Variants in PIDD1 observed in about 807,000 individuals in gnomAD.
PIDD1 encodes p53-induced death domain-containing protein 1.
In PIDD1, 72 loss-of-function variants were observed where a neutral mutation model predicts 80.0. The ratio of observed to expected loss-of-function variants is 0.90; its 90% CI spans 0.74 to 1.09. PIDD1 has a LOEUF of 1.09. PIDD1 is among the 50% of genes least tolerant of loss of function. The pLI is 0.00. For missense variants in PIDD1, 1,329 were observed against 1,228.3 expected (o/e 1.08, Z -1.23); for synonymous variants, 655 against 543.5 (o/e 1.21, Z -2.85).
chr11:803,780 C>T, intron 2 of PIDD1, 193 bp from the exon 3 acceptor site: 3 of 667,430 alleles, frequency 4.5e-6, no homozygotes, highest in Admixed American at 2.8e-5. Flanking sequence ...GTGGAGACCA[C>T]CGGCTCATCT....
Position 804,317 on chromosome 11 carries a change from G to A in PIDD1, c.72C>T (p.Asp24=), listed in dbSNP as rs373298585. ...AAAGDASEDS[D]AGSRALPFLG... ...GGAAAGGCAGCGCCCTGGACCCTGCGTCCGAATCCTCTGAAGCATCTCCTG... is the reference window on the plus strand; with the variant it reads ...GGAAAGGCAGCGCCCTGGACCCTGCATCCGAATCCTCTGAAGCATCTCCTG... Residue 24 remains aspartate (D), a synonymous_variant, in exon 2 of 16, where the codon GAC becomes GAT. Coordinates refer to ENST00000347755, the MANE Select transcript of PIDD1 (RefSeq NM_145886.4). The A allele has an allele frequency of 1.3e-5, 21 of 1,612,392 alleles. No homozygotes were observed. Among genetic ancestry groups the A allele is most frequent in the Non-Finnish European group, 1.7e-5 (20 of 1,179,768 alleles).
chr11:804,064 G>A (rs1014691794), intron 2 of PIDD1, 30 bp downstream of exon 2: 1 of 1,572,954 alleles, frequency 6.4e-7, no homozygotes, highest in Non-Finnish European at 8.7e-7. Context: ...GCGAGAGATG[G>A]AGACAGGGCC....
chr11:800,271 A>C (rs377747233), intron 13 of PIDD1, 27 bp from the exon 14 acceptor site: 5 of 1,611,604 alleles, frequency 3.1e-6, no homozygotes, highest in Non-Finnish European at 3.4e-6. Flanking sequence ...TGGGGTTCGG[A>C]GTTCGGTCCT....
rs747393319 is a variant in PIDD1 at position 800,905 on chromosome 11, G to C, written c.1774C>G (p.Leu592Val). The C allele has an allele frequency of 6.3e-7, 1 of 1,592,182 alleles. No individual in the cohort carries two copies. Among genetic ancestry groups the C allele is most frequent in the South Asian group, 1.1e-5 (1 of 87,780 alleles). The change falls in exon 11 of 16, where the codon CTC (leucine) becomes GTC (valine). Residue 592 changes from leucine (L) to valine (V), a missense_variant. By Grantham distance (32) the Leu-to-Val change is conservative (BLOSUM62 1). Coordinates refer to ENST00000347755, the MANE Select transcript of PIDD1 (RefSeq NM_145886.4). ...FQVTHFSWYW[L>V]WYTTKNCVGG... ...ACACAGTTCTTGGTGGTGTACCAGA[G>C]CCAGTACCTGGGAGAGCTGGGGGTG...
In PIDD1 at chr11:801,911, C is replaced by T. The variant is rs546928799; in HGVS notation, c.1302+54G>A. On this transcript the variant is annotated intron_variant, in intron 7 of 15. Coordinates refer to ENST00000347755, the MANE Select transcript of PIDD1 (RefSeq NM_145886.4). ...GGGTGAGGCTCTGGGCAGAGGTGCACGGCTCAGGGCAGCAGCTCTCCACTC... is the reference window on the plus strand; with the variant it reads ...GGGTGAGGCTCTGGGCAGAGGTGCATGGCTCAGGGCAGCAGCTCTCCACTC... The T allele has an allele frequency of 5.7e-5, 90 of 1,582,574 alleles. 1 individual carries two copies. The highest frequency in any genetic ancestry group is 5.1e-4 in the East Asian group (22 of 43,456).
In PIDD1 at chr11:801,160, G is replaced by A. The variant is rs372472598; in HGVS notation, c.1631-40C>T. ...GGCAGCGAGCTGAGGCCTCCTGGCC[G>A]GAGACCCCCTCCACCCTATGGCCAC... On this transcript the variant is annotated intron_variant, in intron 9 of 15. Coordinates refer to ENST00000347755, the MANE Select transcript of PIDD1 (RefSeq NM_145886.4). 83 of 1,546,216 alleles carry A rather than the reference G, an allele frequency of 5.4e-5. 1 individual carries two copies. The highest frequency in any genetic ancestry group is 1.8e-4 in the South Asian group (15 of 81,142).
intron 15 of PIDD1, 78 bp downstream of exon 15, chr11:799,737 T>G (rs1865075937): frequency 2.9e-6 from 4 of 1,389,184 alleles, no homozygotes. Flanking sequence ...AAGAAACTTC[T>G]GTCAGAATCA....
chr11:800,715 C>T (rs761228186), intron 11 of PIDD1, 47 bp downstream of exon 11: 52 of 1,549,588 alleles, frequency 3.4e-5, no homozygotes, highest in Non-Finnish European at 4.5e-5. Context: ...GCACCCCACC[C>T]CAGCCCTCTG....
chr11:802,448 T>C, intron 5 of PIDD1, 52 bp from the exon 6 acceptor site: 1 of 1,599,420 alleles, frequency 6.3e-7, no homozygotes, highest in Non-Finnish European at 8.6e-7. Context: ...GCCTACGTGT[T>C]GGAGCCTGGA....
intron 6 of PIDD1, 27 bp downstream of exon 6, chr11:802,168 A>G: frequency 4.5e-6 from 7 of 1,571,932 alleles, no homozygotes; most frequent in Non-Finnish European, 6.0e-6. Flanking sequence ...TGGCCCACAC[A>G]CTGCCCCCGC....
intron 14 of PIDD1, 26 bp from the exon 15 acceptor site, chr11:800,040 G>A (rs775220327): frequency 1.2e-6 from 2 of 1,610,238 alleles, no homozygotes; most frequent in Non-Finnish European, 8.5e-7. Flanking sequence ...AGTGCATTAA[G>A]CCCTGGGCTC....
At chr11:799,656 G>A in intron 15 of PIDD1, 91 bp from the exon 16 acceptor site, 1 of 1,453,336 alleles carries the variant, frequency 6.9e-7, no homozygotes, top group Admixed American at 2.4e-5. Context: ...GGAGTTCCCG[G>A]CTCCTGGGGC....
chr11:801,470 T>G lies in PIDD1; in HGVS notation c.1457A>C (p.Glu486Ala). Residue 486 changes from glutamate to alanine, a missense_variant, in exon 8 of 16, where the codon GAG becomes GCG. By Grantham distance (107) the Glu-to-Ala change is moderately radical. Coordinates refer to ENST00000347755, the MANE Select transcript of PIDD1 (RefSeq NM_145886.4). ...CTGCATGGAGACTCGACGAGGCTCC[T>G]CAGTGGCCCCAGGGGGGAAGATGAC... Reference protein sequence around the residue: ...VKVIFPPGATEEPRRVSMQVV... With the variant: ...VKVIFPPGATAEPRRVSMQVV... The G allele has an allele frequency of 6.5e-7, 1 of 1,545,256 alleles. No individual in the cohort carries two copies. The highest frequency in any genetic ancestry group is 8.7e-7 in the Non-Finnish European group (1 of 1,143,042).
chr11:804,662 A>G, intron 1 of PIDD1, 199 bp from the exon 2 acceptor site: 1 of 466,128 alleles, frequency 2.1e-6, no homozygotes, highest in Non-Finnish European at 3.7e-6. Flanking sequence ...TGGGACCGCC[A>G]TGGCTCGCAG....
At chr11:808,948 T>C (rs993698853), upstream of PIDD1, among the ~76,000 whole-genome samples, 1 of 152,216 alleles carries the variant, frequency 6.6e-6, no homozygotes, top group African/African-American at 2.4e-5. Flanking sequence ...GGTAGATACC[T>C]GCATCTGACC....
intron 4 of PIDD1, 25 bp from the exon 5 acceptor site, chr11:802,622 C>G (rs1190526158): frequency 1.2e-6 from 2 of 1,610,822 alleles, no homozygotes; most frequent in South Asian, 1.1e-5. Context: ...GACATGTGCT[C>G]AGGACAGTGA....
rs774349985 is a variant in PIDD1, at chr11:800,552, C to T, written c.2032G>A (p.Val678Met). Residue 678 changes from valine to methionine, a missense_variant, in exon 12 of 16, where the codon GTG (valine) becomes ATG (methionine). By Grantham distance (21) the Val-to-Met change is conservative. Coordinates refer to ENST00000347755, the MANE Select transcript of PIDD1 (RefSeq NM_145886.4). ...CCACCAGCATCCCTACCAGCATCCA[C>T]GTCGATGCCGCGCTCGAAGGCCGCA... ...FFAAFERGID[V>M]DADRPDCVEG... The T allele has an allele frequency of 3.3e-5, 50 of 1,533,096 alleles. No individual in the cohort carries two copies. Among genetic ancestry groups the T allele is most frequent in the Middle Eastern group, 1.7e-4 (1 of 5,910 alleles). The allele number at this position is 1,533,096 out of a possible 1,614,324, so 95.0% of individuals were successfully genotyped here. A position where few individuals can be genotyped will look rare whatever the true frequency, so the allele number is the denominator to read the frequency against.
Position 801,541 on chromosome 11 carries a change from TG to T in PIDD1, c.1385del (p.Pro462HisfsTer53). On this transcript the variant is annotated frameshift_variant, in exon 8 of 16. Coordinates refer to ENST00000347755, the MANE Select transcript of PIDD1 (RefSeq NM_145886.4). LOFTEE classifies it high-confidence loss of function. ...SRPVSNACLV[P>X]PEGTLLCSSG... ...AGGAGCACAGCAGTGTCCCCTCCGGTGGCACCAGGCAGGCATTGGACACAGG... is the reference window on the plus strand; with the variant it reads ...AGGAGCACAGCAGTGTCCCCTCCGGTGCACCAGGCAGGCATTGGACACAGG... 1 of 1,567,288 alleles carries T rather than the reference TG, an allele frequency of 6.4e-7. No homozygotes were observed. Among genetic ancestry groups the T allele is most frequent in the Non-Finnish European group, 8.6e-7 (1 of 1,156,120 alleles).
upstream of PIDD1, among the ~76,000 whole-genome samples, chr11:807,261 C>T (rs1016599223): frequency 6.8e-6 from 1 of 146,486 alleles, no homozygotes; most frequent in Non-Finnish European, 1.5e-5. Context: ...GAGGCCGAGG[C>T]GGGTGGATCA....
Sources: allele counts gnomAD v4.1 joint callset (sites outside exome capture counted in the v4.1 genomes callset), GRCh38; gene constraint gnomAD v4.1.1; transcripts MANE v1.5; gene names NCBI Gene and HGNC (gene_info 2026-07-23, HGNC 2026-07-21).